ATM: variants seen among roughly 807,000 people sequenced by gnomAD.
The protein encoded by ATM is serine-protein kinase ATM.
ATM carries 308 observed loss-of-function variants against 387.0 expected under a neutral mutation model. The ratio of observed to expected loss-of-function variants is 0.80; its 90% CI spans 0.73 to 0.87. The LOEUF is 0.87. Ranked by LOEUF, ATM falls within the 40% of genes least tolerant of loss-of-function variation. ATM has a pLI of 0.00. For synonymous variants in ATM, 1,156 were observed against 1,187.3 expected, an observed-to-expected ratio of 0.97 and a Z score of 0.54; for missense variants, 3,312 against 3,560.9, an observed-to-expected ratio of 0.93 and a Z score of 1.78.
intron 29 of ATM, 97 bp from the exon 30 acceptor site, chr11:108,292,522 T>C (rs1253862756): frequency 1.4e-6 from 2 of 1,394,676 alleles, no homozygotes; most frequent in Non-Finnish European, 2.0e-6. Context: ...ATATAAGAAT[T>C]AGAGATGCTG....
intron 17 of ATM, 98 bp from the exon 18 acceptor site, chr11:108,268,312 A>G (rs972642341): frequency 8.6e-6 from 10 of 1,163,812 alleles, no homozygotes; most frequent in South Asian, 2.6e-5. Context: ...TGCTTTTCAT[A>G]TACTTTTTTT....
At chr11:108,362,804 TG>T (rs1232736454) in intron 61 of ATM, among the ~76,000 whole-genome samples, 4 of 74,972 alleles carry the variant, frequency 5.3e-5, no homozygotes, top group Non-Finnish European at 4.9e-5. Context: ...TGTGGTGGGG[TG>T]GGGGGCGGGG....
rs1330898827 is a variant in ATM, at chr11:108,299,722, G to A, written c.5014G>A (p.Gly1672Arg). The A allele has an allele frequency of 6.2e-7, 1 of 1,613,518 alleles. No homozygotes were observed. Among genetic ancestry groups the A allele is most frequent in the East Asian group, 2.2e-5 (1 of 44,850 alleles). Residue 1672 changes from glycine to arginine, a missense_variant, in exon 34 of 63, where the codon GGA becomes AGA. Transcript: ENST00000675843. ...AGAATTTCTATATGTAGAGGCTGTT[G>A]GAAGCTGCTTGGGAGAAGTGGGTCC... is the stretch of plus-strand genomic sequence containing the variant. Reference protein sequence around the residue: ...TGEKEVLEAVGSCLGEVGPID... With the variant: ...TGEKEVLEAVRSCLGEVGPID...
chr11:108,289,315 T>C (rs962403445), intron 28 of ATM, among the ~76,000 whole-genome samples: 2 of 152,156 alleles, frequency 1.3e-5, no homozygotes, highest in African/African-American at 2.4e-5. Context: ...TGTGACACTT[T>C]AGTGATATAT....
chr11:108,231,313 C>A (rs2079000566), intron 4 of ATM, among the ~76,000 whole-genome samples: 1 of 152,158 alleles, frequency 6.6e-6, no homozygotes, highest in African/African-American at 2.4e-5. Context: ...TTTACACATA[C>A]TGAAAAGCTA....
At chr11:108,233,084 A>G (rs1281555109) in intron 4 of ATM, among the ~76,000 whole-genome samples, 1 of 150,964 alleles carries the variant, frequency 6.6e-6, no homozygotes, top group Non-Finnish European at 1.5e-5. Flanking sequence ...CTTGTCTCGA[A>G]CTCCTGACCT....
intron 4 of ATM, chr11:108,231,521 C>T (rs566332159): frequency 7.2e-5 from 11 of 151,904 alleles, no homozygotes; most frequent in East Asian, 1.9e-4. Context: ...TATAGCGAAA[C>T]CCCATCTCTA....
At position 108,282,370 on chromosome 11, in the gene ATM, C is replaced by G. The variant is rs111522638; in HGVS notation, c.3577-340C>G. ...CTTGAACTCTTGGGCTTAAGCAACC[C>G]TCCCTCCTCAGACTCCCAAAGCGTT... On this transcript the variant is annotated intron_variant, in intron 24 of 62. Coordinates refer to ENST00000675843, the MANE Select transcript of ATM (RefSeq NM_000051.4). Among the ~76,000 whole-genome samples the G allele has an allele frequency of 3.7e-3, 568 of 152,288 alleles. 5 individuals are homozygous for G. Among genetic ancestry groups the G allele is most frequent in the Non-Finnish European group, 4.8e-3 (329 of 68,036 alleles).
intron 43 of ATM, among the ~76,000 whole-genome samples, chr11:108,318,080 G>A (rs949170524): frequency 2.6e-5 from 4 of 152,062 alleles, no homozygotes; most frequent in South Asian, 2.1e-4. Flanking sequence ...AAAATAATAC[G>A]GCCAGGCACG....
At chr11:108,290,102 G>A in intron 29 of ATM, 1 of 261,036 alleles carries the variant, frequency 3.8e-6, no homozygotes, top group Non-Finnish European at 7.5e-6. Context: ...CAAGCGAACT[G>A]TCAGCCTCAG....
At position 108,281,109 on chromosome 11, in the gene ATM, T is replaced by C. The variant is rs141460670; in HGVS notation, c.3517T>C (p.Leu1173=). 1.4e-4 allele frequency: 224 copies of C among 1,614,060 alleles called. 1 individual carries two copies. In the African/African-American group the frequency reaches 2.4e-3, roughly 17 times the overall value. Residue 1173 remains leucine, a synonymous_variant, in exon 24 of 63, where the codon TTG becomes CTG. Transcript: ENST00000675843. ...TAGCCCTATCTGCGAAAAACAGGCT[T>C]TGTTTGCCCTGTGTAAATCTGTGAA... ...SCSPICEKQA[L]FALCKSVKEN...
rs756181210 is a variant in ATM at position 108,332,863 on chromosome 11, A to G, written c.7890A>G (p.Leu2630=). ...VEALCDAYII[L]ANLDATQWKT... is the part of the protein sequence containing the mutation. ...CACTTTGTGATGCTTATATTATATTAGCAAACTTAGATGCCACTCAGTGGA... is the reference window on the plus strand; with the variant it reads ...CACTTTGTGATGCTTATATTATATTGGCAAACTTAGATGCCACTCAGTGGA... The change falls in exon 53 of 63, where the codon TTA becomes TTG. Residue 2630 remains leucine, a synonymous_variant. Transcript: ENST00000675843. 8 of 1,613,140 alleles carry G rather than the reference A, an allele frequency of 5.0e-6. No individual in the cohort carries two copies. The African/African-American group carries it at 8.0e-5, about 16-fold the overall frequency.
intron 15 of ATM, 110 bp from the exon 16 acceptor site, chr11:108,258,876 A>G: frequency 2.4e-6 from 2 of 826,608 alleles, no homozygotes; most frequent in South Asian, 1.5e-5. Flanking sequence ...TATTGGCCCT[A>G]ATAGTAAACT....
At chr11:108,236,534 TAAAAAA>T (rs11418587) in intron 5 of ATM, 1 of 141,750 alleles carries the variant, frequency 7.1e-6, no homozygotes, top group African/African-American at 2.6e-5. Flanking sequence ...TGTTTCCATT[TAAAAAA>T]AAAAAAAAAA....
Position 108,302,949 on chromosome 11 carries a change from A to G in ATM, c.5416A>G (p.Ile1806Val), listed in dbSNP as rs1565479163. 1 of 1,613,534 alleles carries G rather than the reference A, an allele frequency of 6.2e-7. No homozygotes were observed. Among genetic ancestry groups the G allele is most frequent in the East Asian group, 2.2e-5 (1 of 44,818 alleles). ...TCTAAGTGAAAATCATGACATTTGG[A>G]TAAAGACACTGACTTGTGCTTTTTT... is the stretch of plus-strand genomic sequence containing the variant. ...IPLSENHDIW[I>V]KTLTCAFLDS... Residue 1806 changes from isoleucine to valine, a missense_variant, in exon 36 of 63, where the codon ATA (isoleucine) becomes GTA (valine). Physicochemically the swap from Ile to Val is conservative, Grantham distance 29. Coordinates refer to ENST00000675843, the MANE Select transcript of ATM (RefSeq NM_000051.4).
In ATM at chr11:108,272,566, G is replaced by GT; in HGVS notation, c.3113dup (p.Arg1039LysfsTer9). On this transcript the variant is annotated frameshift_variant, in exon 21 of 63. Coordinates refer to ENST00000675843, the MANE Select transcript of ATM (RefSeq NM_000051.4). LOFTEE classifies it high-confidence loss of function. ...AAAGGAGAGGAAATATATATTCTCT[G>GT]TAAGAATGGCCCTAGTAAATTGCCT... 1.2e-6 allele frequency: 2 copies of GT among 1,613,734 alleles called. No homozygotes were observed. Among genetic ancestry groups the GT allele is most frequent in the Non-Finnish European group, 1.7e-6 (2 of 1,179,706 alleles).
chr11:108,335,414 C>G (rs2086731116), intron 55 of ATM: 2 of 664,370 alleles, frequency 3.0e-6, no homozygotes, highest in Non-Finnish European at 4.6e-6. Flanking sequence ...CTCTTATTTC[C>G]TTGAATAGTG....
rs587779821 is a variant in ATM at position 108,259,059 on chromosome 11, A to G, written c.2450A>G (p.Asp817Gly). 5 of 1,613,190 alleles carry G rather than the reference A, an allele frequency of 3.1e-6. No individual in the cohort carries two copies. The highest frequency in any genetic ancestry group is 4.2e-6 in the Non-Finnish European group (5 of 1,179,706). Residue 817 changes from aspartate to glycine, a missense_variant, in exon 16 of 63, where the codon GAT becomes GGT. Asp to Gly is a moderately conservative substitution (Grantham distance 94). Transcript: ENST00000675843. ...TCAAAGCTAATGAATGACATTGCAG[A>G]TATTTGTAAAAGTTTAGTAAGTATG... is the stretch of plus-strand genomic sequence containing the variant. ...LTSKLMNDIA[D>G]ICKSLASFIK...
chr11:108,272,814 TC>T lies in ATM; in HGVS notation c.3247del (p.His1083ThrfsTer26), dbSNP rs767099464. On this transcript the variant is annotated frameshift_variant, in exon 22 of 63. Coordinates refer to ENST00000675843, the MANE Select transcript of ATM (RefSeq NM_000051.4). LOFTEE classifies it high-confidence loss of function. ...VFTQFLADNH[H>X]QVRMLAAESI... is the part of the protein sequence containing the mutation. ...TTACACAATTTCTTGCTGACAATCA[TC>T]ACCAAGTTCGCATGTTGGCTGCAGA... The T allele has an allele frequency of 6.2e-6, 10 of 1,613,976 alleles. No homozygotes were observed. Among genetic ancestry groups the T allele is most frequent in the Non-Finnish European group, 8.5e-6 (10 of 1,180,006 alleles).
Sources: allele counts gnomAD v4.1 joint callset (sites outside exome capture counted in the v4.1 genomes callset), GRCh38; gene constraint gnomAD v4.1.1; transcripts MANE v1.5; gene names NCBI Gene and HGNC (gene_info 2026-07-23, HGNC 2026-07-21).